The following GPR161 variants were observed in gnomAD, a reference collection of about 807,000 sequenced individuals.
GPR161 encodes the protein G-protein coupled receptor RE2.
Under a neutral mutation model 39.2 loss-of-function variants are expected in GPR161, and 25 were observed. The observed-to-expected ratio is 0.64, with a 90% CI of 0.47 to 0.89. GPR161 has a LOEUF of 0.89. GPR161 is among the 40% of genes least tolerant of loss of function. The probability of loss-of-function intolerance (pLI) is 0.00; values close to 1 mark genes in which losing one functional copy is unlikely to be tolerated. For synonymous variants in GPR161, 286 were observed against 276.6 expected, an observed-to-expected ratio of 1.03 and a Z score of -0.34; for missense variants, 547 against 677.8, an observed-to-expected ratio of 0.81 and a Z score of 2.14.
intron 1 of GPR161, among the ~76,000 whole-genome samples, chr1:168,106,396 C>T (rs913537490): frequency 3.9e-5 from 6 of 152,144 alleles, no homozygotes; most frequent in African/African-American, 1.2e-4. Flanking sequence ...AGAGCAAGCC[C>T]GGGCAACGTG....
At chr1:168,089,914 G>A (rs1364730274) in intron 4 of GPR161, among the ~76,000 whole-genome samples, 1 of 152,232 alleles carries the variant, frequency 6.6e-6, no homozygotes, top group Non-Finnish European at 1.5e-5. Context: ...TTAGGCAGAG[G>A]CTAAAGGGAG....
rs1218300791 is a variant in GPR161 at position 168,080,090 on chromosome 1, A to C, written c.*5441T>G. The C allele has an allele frequency of 6.6e-6, 1 of 152,184 alleles. No homozygotes were observed. The highest frequency in any genetic ancestry group is 1.5e-5 in the Non-Finnish European group (1 of 68,026). The allele number at this position is 152,184 out of a possible 1,614,324, so 9.4% of individuals were successfully genotyped here. A position where few individuals can be genotyped will look rare whatever the true frequency, so the allele number is the denominator to read the frequency against. On this transcript the variant is annotated 3_prime_UTR_variant, in exon 6 of 6. Transcript: ENST00000682931. ...CTTTGATGTTTTCAAAGGAATCTTC[A>C]AGGTATTGGAAATACTTTGGAATCC...
chr1:168,115,173 C>A (rs1221670644), intron 1 of GPR161, among the ~76,000 whole-genome samples: 4 of 152,170 alleles, frequency 2.6e-5, no homozygotes, highest in Admixed American at 2.0e-4. Context: ...CAGGTGAATT[C>A]ATCCACAAAT....
At chr1:168,135,460 C>T (rs1699287201) in intron 1 of GPR161, among the ~76,000 whole-genome samples, 1 of 152,172 alleles carries the variant, frequency 6.6e-6, no homozygotes, top group Non-Finnish European at 1.5e-5. Context: ...GAAATGGGTG[C>T]CATGCATTCC....
intron 1 of GPR161, among the ~76,000 whole-genome samples, chr1:168,134,169 C>G (rs945442502): frequency 6.6e-6 from 1 of 152,144 alleles, no homozygotes; most frequent in Admixed American, 6.6e-5. Context: ...ACAGTGTTCT[C>G]TCACCCATTG....
chr1:168,096,658 C>A lies in GPR161; in HGVS notation c.949G>T (p.Ala317Ser), dbSNP rs776373594. The A allele has an allele frequency of 1.1e-5, 17 of 1,614,190 alleles. No homozygotes were observed. The highest frequency in any genetic ancestry group is 1.4e-5 in the Non-Finnish European group (16 of 1,180,042). Residue 317 changes from alanine to serine, a missense_variant, in exon 3 of 6, where the codon GCT becomes TCT. Transcript: ENST00000682931. Reference sequence around the variant, plus strand: ...CCATAGATCAGGGGGTGGCAGACAGCGCTGGCAAAGGACAGCCATGTGGCC... The same window carrying A: ...CCATAGATCAGGGGGTGGCAGACAGAGCTGGCAAAGGACAGCCATGTGGCC... ...TWATWLSFAS[A>S]VCHPLIYGLW...
chr1:168,127,593 T>C (rs1698684771), intron 1 of GPR161, among the ~76,000 whole-genome samples: 1 of 152,134 alleles, frequency 6.6e-6, no homozygotes, highest in South Asian at 2.1e-4. Flanking sequence ...AAGAAAAAGG[T>C]TTATGGACTT....
At chr1:168,129,748 C>T (rs1698849336) in intron 1 of GPR161, among the ~76,000 whole-genome samples, 1 of 152,206 alleles carries the variant, frequency 6.6e-6, no homozygotes, top group South Asian at 2.1e-4. Flanking sequence ...TACCCATAGT[C>T]ATAGACCTAA....
intron 1 of GPR161, among the ~76,000 whole-genome samples, chr1:168,105,647 T>C (rs1244005224): frequency 1.3e-5 from 2 of 152,272 alleles, no homozygotes; most frequent in African/African-American, 2.4e-5. Context: ...AATGGGGAAG[T>C]AGAGGCACCA....
rs372404769 is a variant in GPR161 at position 168,098,380 on chromosome 1, C to T, written c.375-1148G>A. Among the ~76,000 whole-genome samples the T allele has an allele frequency of 6.6e-6, 1 of 152,310 alleles. No individual in the cohort carries two copies. The highest frequency in any genetic ancestry group is 2.4e-5 in the African/African-American group (1 of 41,564). On this transcript the variant is annotated intron_variant, in intron 2 of 5. Transcript: ENST00000682931. The surrounding 1 kb of genome is among the most constrained non-coding windows in gnomAD (Gnocchi z 4.1). The stretch of plus-strand genomic sequence containing the variant: ...GGAAAGGGTGGGAGGACTCAGACCA[C>T]AGGGCTGAAAGTCAACCACCACCCT...
At chr1:168,130,692 T>C (rs1464295621) in intron 1 of GPR161, among the ~76,000 whole-genome samples, 1 of 152,200 alleles carries the variant, frequency 6.6e-6, no homozygotes, top group Non-Finnish European at 1.5e-5. Flanking sequence ...AAAATCTCCA[T>C]GTATAGCCTA....
intron 1 of GPR161, among the ~76,000 whole-genome samples, chr1:168,123,835 C>G (rs1698393470): frequency 6.6e-6 from 1 of 152,174 alleles, no homozygotes; most frequent in Admixed American, 6.5e-5. Context: ...ATCAGAACTG[C>G]CCAAGGCTGT....
At position 168,098,293 on chromosome 1, in the gene GPR161, G is replaced by A. The variant is rs751968573; in HGVS notation, c.375-1061C>T. Among the ~76,000 whole-genome samples, 4 of 152,220 alleles carry A rather than the reference G, an allele frequency of 2.6e-5. No homozygotes were observed. Among genetic ancestry groups the A allele is most frequent in the Non-Finnish European group, 5.9e-5 (4 of 68,040 alleles). The stretch of plus-strand genomic sequence containing the variant: ...AGGAGAGAAGGAAGCAGGCCGGGTG[G>A]ACGGGGCCGGGGCATGCAGAGCTAA... On this transcript the variant is annotated intron_variant, in intron 2 of 5. Transcript: ENST00000682931. The surrounding 1 kb of genome is among the most constrained non-coding windows in gnomAD (Gnocchi z 4.1).
At chr1:168,112,434 C>A (rs1480516779) in intron 1 of GPR161, among the ~76,000 whole-genome samples, 3 of 130,484 alleles carry the variant, frequency 2.3e-5, no homozygotes, top group Admixed American at 9.1e-5. Flanking sequence ...GAGCCGAGAT[C>A]GCGCCACTAC....
At chr1:168,100,240 A>G (rs948175079) in intron 2 of GPR161, among the ~76,000 whole-genome samples, 1 of 141,818 alleles carries the variant, frequency 7.1e-6, no homozygotes, top group African/African-American at 2.6e-5. Context: ...AAAAGGATAT[A>G]GAACAGTCCT....
chr1:168,093,704 T>C (rs925932625), intron 3 of GPR161, among the ~76,000 whole-genome samples: 1 of 152,236 alleles, frequency 6.6e-6, no homozygotes, highest in African/African-American at 2.4e-5. Context: ...TTTCAGAATC[T>C]GCTGCAGATC....
intron 1 of GPR161, among the ~76,000 whole-genome samples, chr1:168,119,644 G>T (rs1035263670): frequency 8.5e-5 from 13 of 152,154 alleles, no homozygotes; most frequent in Non-Finnish European, 1.9e-4. Context: ...AAATGGTTAA[G>T]ATGGTAATAT....
At chr1:168,135,651 A>G (rs1269823100) in intron 1 of GPR161, among the ~76,000 whole-genome samples, 1 of 141,318 alleles carries the variant, frequency 7.1e-6, no homozygotes, top group African/African-American at 2.7e-5. Context: ...CTGGAGGTCC[A>G]GGTCACTAGG....
rs150592666 is a variant in GPR161, at chr1:168,123,800, C to T, written c.-45+12939G>A. Among the ~76,000 whole-genome samples the T allele has an allele frequency of 4.6e-5, 7 of 152,324 alleles. No homozygotes were observed. The East Asian group carries it at 1.3e-3, about 29-fold the overall frequency. ...CCATGCAATAGAAAGCAGAAAATCC[C>T]TAAGGTGAAGCTGGGTCACAAAAGA... On this transcript the variant is annotated intron_variant, in intron 1 of 5. Coordinates refer to ENST00000682931, the MANE Select transcript of GPR161 (RefSeq NM_001375883.1).
Sources: gnomAD v4.1 joint callset for allele counts (sites outside exome capture counted in the v4.1 genomes callset) on GRCh38, gnomAD v4.1.1 for gene constraint, Gnocchi (gnomAD v3.1) non-coding constraint, MANE v1.5 for transcripts, NCBI Gene and HGNC (gene_info 2026-07-23, HGNC 2026-07-21) for gene names.